Variants in TMEM272 observed in about 807,000 individuals in gnomAD.
TMEM272 encodes the protein transmembrane protein 272.
In TMEM272, 8 loss-of-function variants were observed where a neutral mutation model predicts 3.7. The ratio of observed to expected loss-of-function variants is 2.17; its 90% CI spans 1.27 to 3.91. The LOEUF (loss-of-function observed/expected upper bound fraction) is 3.91. TMEM272 is among the 30% of genes most tolerant of loss of function. The pLI, the probability that TMEM272 is intolerant of heterozygous loss-of-function variation, is 0.00. For missense variants in TMEM272, 166 were observed against 91.5 expected (o/e 1.81, Z -3.32); for synonymous variants, 63 against 39.8 (o/e 1.58, Z -2.20).
At chr13:51,847,257 G>T (rs1247608438), upstream of TMEM272, among the ~76,000 whole-genome samples, 1 of 152,198 alleles carries the variant, frequency 6.6e-6, no homozygotes, top group Non-Finnish European at 1.5e-5. Flanking sequence ...AGCAGGAGAT[G>T]AGTGGCAGGT....
At chr13:51,911,546 C>T in the TMEM272 span, among the ~76,000 whole-genome samples, 1 of 152,242 alleles carries the variant, frequency 6.6e-6, no homozygotes, top group African/African-American at 2.4e-5. Flanking sequence ...ATATCTTCAA[C>T]TCATCCGGAA....
chr13:51,925,753 C>A, the TMEM272 span, among the ~76,000 whole-genome samples: 2 of 152,186 alleles, frequency 1.3e-5, no homozygotes, highest in African/African-American at 4.8e-5. Flanking sequence ...CAGGCCTCCA[C>A]CTTCATATTC....
the TMEM272 span, among the ~76,000 whole-genome samples, chr13:51,867,646 T>C: frequency 6.6e-6 from 1 of 152,252 alleles, no homozygotes; most frequent in African/African-American, 2.4e-5. Flanking sequence ...AAATTGGCGC[T>C]GGGAAAGTCT....
chr13:51,924,145 C>T, the TMEM272 span, among the ~76,000 whole-genome samples: 2 of 152,174 alleles, frequency 1.3e-5, no homozygotes, highest in East Asian at 1.9e-4. Context: ...GCCTTGCCCT[C>T]TAGTCATTCC....
chr13:51,828,357 G>T (rs1032396867), intron 2 of TMEM272, among the ~76,000 whole-genome samples: 1 of 152,194 alleles, frequency 6.6e-6, no homozygotes, highest in Admixed American at 6.5e-5. Context: ...CTGGCTGGGA[G>T]CCTCACGTGC....
At chr13:51,869,992 C>T in the TMEM272 span, among the ~76,000 whole-genome samples, 1 of 152,190 alleles carries the variant, frequency 6.6e-6, no homozygotes, top group Admixed American at 6.5e-5. Context: ...ATGACTGATC[C>T]TATTCAAGAG....
chr13:51,851,430 A>C, the TMEM272 span, among the ~76,000 whole-genome samples: 1 of 136,684 alleles, frequency 7.3e-6, no homozygotes, highest in East Asian at 2.2e-4. Context: ...AAGAAGAAGA[A>C]GACGCCCTAC....
At chr13:51,910,428 G>A in the TMEM272 span, 3,089 of 948,304 alleles carry the variant, frequency 3.3e-3, 72 homozygotes, top group African/African-American at 0.044. Context: ...ACTCCTAACC[G>A]ATCTAAAACT....
chr13:51,819,088 G>A (rs753750925), intron 4 of TMEM272, among the ~76,000 whole-genome samples: 2 of 152,152 alleles, frequency 1.3e-5, no homozygotes, highest in Non-Finnish European at 2.9e-5. Context: ...GAGGCCTTGG[G>A]GGAGTTCAGA....
At chr13:51,847,016 C>T (rs948693318), upstream of TMEM272, among the ~76,000 whole-genome samples, 1 of 152,218 alleles carries the variant, frequency 6.6e-6, no homozygotes, top group Admixed American at 6.5e-5. Context: ...AAGCTCCATT[C>T]ATGGTAAATG....
chr13:51,830,113 C>T (rs1267331862), intron 2 of TMEM272, among the ~76,000 whole-genome samples: 1 of 152,226 alleles, frequency 6.6e-6, no homozygotes, highest in Non-Finnish European at 1.5e-5. Context: ...CGTACAAAAG[C>T]ATTTGGGTTT....
chr13:51,899,056 G>C, the TMEM272 span, among the ~76,000 whole-genome samples: 2 of 152,120 alleles, frequency 1.3e-5, no homozygotes, highest in African/African-American at 4.8e-5. Flanking sequence ...CATTTAGTAA[G>C]AATAATGGTA....
chr13:51,842,719 T>C (rs1370879677), intron 1 of TMEM272, among the ~76,000 whole-genome samples: 1 of 152,244 alleles, frequency 6.6e-6, no homozygotes, highest in Non-Finnish European at 1.5e-5. Flanking sequence ...AGTGAACACA[T>C]CACATTTTGA....
At chr13:51,896,597 T>C in the TMEM272 span, among the ~76,000 whole-genome samples, 1 of 152,112 alleles carries the variant, frequency 6.6e-6, no homozygotes, top group Non-Finnish European at 1.5e-5. Context: ...GAGAGGGGGA[T>C]GCTGTGATTA....
At chr13:51,892,588 C>A in the TMEM272 span, among the ~76,000 whole-genome samples, 1 of 152,182 alleles carries the variant, frequency 6.6e-6, no homozygotes, top group East Asian at 1.9e-4. Flanking sequence ...CCTTTCCAGT[C>A]TTTTCTTGGG....
At chr13:51,899,062 T>C in the TMEM272 span, among the ~76,000 whole-genome samples, 1 of 152,170 alleles carries the variant, frequency 6.6e-6, no homozygotes, top group Non-Finnish European at 1.5e-5. Context: ...GTAAGAATAA[T>C]GGTAAGTAAA....
chr13:51,872,399 A>AAG, the TMEM272 span, among the ~76,000 whole-genome samples: 17 of 150,638 alleles, frequency 1.1e-4, no homozygotes, highest in African/African-American at 3.6e-4. Flanking sequence ...GAAGTTTAAG[A>AAG]AGAGAGAGAG....
At chr13:51,883,492 C>T in the TMEM272 span, among the ~76,000 whole-genome samples, 1 of 152,116 alleles carries the variant, frequency 6.6e-6, no homozygotes, top group African/African-American at 2.4e-5. Flanking sequence ...AAGTGGATGG[C>T]CGTCTGTGAG....
At chr13:51,847,310 C>G (rs78769682), upstream of TMEM272, among the ~76,000 whole-genome samples, 109 of 152,296 alleles carry the variant, frequency 7.2e-4, no homozygotes, top group African/African-American at 2.6e-3. Context: ...GTCAGATCAG[C>G]AACGGCATTT....
Sources: gnomAD v4.1 joint callset for allele counts (sites outside exome capture counted in the v4.1 genomes callset) on GRCh38, gnomAD v4.1.1 for gene constraint, MANE v1.5 for transcripts, NCBI Gene and HGNC (gene_info 2026-07-23, HGNC 2026-07-21) for gene names.